The following BRAF variants were observed in gnomAD, a reference collection of about 807,000 sequenced individuals.
BRAF encodes the protein B-Raf proto-oncogene, serine/threonine kinase.
Under a neutral mutation model 104.6 loss-of-function variants are expected in BRAF, and 16 were observed. The ratio of observed to expected loss-of-function variants is 0.15; its 90% CI spans 0.10 to 0.23. The LOEUF (loss-of-function observed/expected upper bound fraction) is 0.23, where lower values mean the gene tolerates loss of function less well. Ranked by LOEUF, BRAF falls within the 10% of genes least tolerant of loss-of-function variation. BRAF has a pLI of 1.00. For missense variants in BRAF, 541 were observed against 937.3 expected (o/e 0.58, Z 5.52); for synonymous variants, 310 against 341.6 (o/e 0.91, Z 1.02).
At chr7:140,914,151 A>C (rs533087544) in intron 1 of BRAF, among the ~76,000 whole-genome samples, 1 of 152,354 alleles carries the variant, frequency 6.6e-6, no homozygotes, top group East Asian at 1.9e-4. Context: ...AAAAATCAAC[A>C]GAAAACACTA....
chr7:140,777,193 C>CA, intron 13 of BRAF, 105 bp from the exon 13 acceptor site: 1 of 976,758 alleles, frequency 1.0e-6, no homozygotes, highest in Non-Finnish European at 1.5e-6. Context: ...TCAGAAAAAG[C>CA]TTTTTTTTTT....
intron 1 of BRAF, among the ~76,000 whole-genome samples, chr7:140,896,759 G>A (rs1039924228): frequency 4.0e-5 from 6 of 150,982 alleles, no homozygotes; most frequent in South Asian, 2.1e-4. Flanking sequence ...CCAGCTACTC[G>A]GAAGGCTGAG....
At chr7:140,853,926 A>G (rs1809482404) in intron 1 of BRAF, among the ~76,000 whole-genome samples, 2 of 152,162 alleles carry the variant, frequency 1.3e-5, no homozygotes, top group Admixed American at 1.3e-4. Flanking sequence ...CAGAGCCTAG[A>G]ACAGTGCCTA....
intron 1 of BRAF, among the ~76,000 whole-genome samples, chr7:140,922,199 C>G (rs1818299905): frequency 6.6e-6 from 1 of 152,036 alleles, no homozygotes; most frequent in South Asian, 2.1e-4. Context: ...GTTTTTTAAC[C>G]AAGTAAAATG....
chr7:140,806,863 C>A (rs1354805967), intron 5 of BRAF, among the ~76,000 whole-genome samples: 3 of 151,898 alleles, frequency 2.0e-5, no homozygotes. Context: ...AAGCATAAAC[C>A]CCAAAGGAAA....
At chr7:140,762,683 T>C (rs1203714844) in intron 14 of BRAF, among the ~76,000 whole-genome samples, 4 of 145,504 alleles carry the variant, frequency 2.7e-5, no homozygotes, top group Non-Finnish European at 6.0e-5. Flanking sequence ...CATAGGACAA[T>C]AGTGGAGGGA....
chr7:140,729,370 C>T (rs1423991231), intron 19 of BRAF, among the ~76,000 whole-genome samples: 2 of 152,140 alleles, frequency 1.3e-5, no homozygotes, highest in African/African-American at 2.4e-5. Context: ...ACCAGGCCGG[C>T]GAGGTGGCTC....
chr7:140,877,322 G>A (rs374317502), intron 1 of BRAF, among the ~76,000 whole-genome samples: 6 of 146,678 alleles, frequency 4.1e-5, no homozygotes, highest in Middle Eastern at 3.5e-3. Context: ...TGCATGTTGC[G>A]CAATCTAGTT....
intron 1 of BRAF, among the ~76,000 whole-genome samples, chr7:140,889,504 AT>A (rs555000512): frequency 3.3e-5 from 5 of 152,004 alleles, no homozygotes; most frequent in Non-Finnish European, 5.9e-5. Context: ...ATGTGCTCAA[AT>A]TTTTTTTATG....
chr7:140,897,293 G>C (rs895708411), intron 1 of BRAF, among the ~76,000 whole-genome samples: 1 of 151,822 alleles, frequency 6.6e-6, no homozygotes, highest in African/African-American at 2.4e-5. Flanking sequence ...AGAAATGAGA[G>C]GTTGCTTTAC....
At chr7:140,883,558 T>G (rs996281744) in intron 1 of BRAF, among the ~76,000 whole-genome samples, 1 of 152,244 alleles carries the variant, frequency 6.6e-6, no homozygotes, top group Non-Finnish European at 1.5e-5. Flanking sequence ...ATAGAGCTAC[T>G]TATTTAAAAT....
At chr7:140,921,093 G>T (rs1818175590) in intron 1 of BRAF, among the ~76,000 whole-genome samples, 1 of 152,090 alleles carries the variant, frequency 6.6e-6, no homozygotes, top group Non-Finnish European at 1.5e-5. Context: ...CTTGAAAACA[G>T]AACATAATAA....
At chr7:140,789,470 C>T (rs1171852318) in intron 8 of BRAF, among the ~76,000 whole-genome samples, 2 of 152,020 alleles carry the variant, frequency 1.3e-5, no homozygotes, top group Non-Finnish European at 2.9e-5. Context: ...TTTAATGTAT[C>T]ATATAAAGTC....
At chr7:140,748,989 T>G in intron 17 of BRAF, 1 of 364,866 alleles carries the variant, frequency 2.7e-6, no homozygotes, top group Non-Finnish European at 5.2e-6. Context: ...GATGCTATAG[T>G]AGCAGAGCTC....
At chr7:140,917,666 A>G (rs1460996352) in intron 1 of BRAF, among the ~76,000 whole-genome samples, 1 of 152,182 alleles carries the variant, frequency 6.6e-6, no homozygotes, top group Non-Finnish European at 1.5e-5. Context: ...CCTCTAACCT[A>G]CATCTTACTT....
At chr7:140,895,778 T>C (rs1814814831) in intron 1 of BRAF, among the ~76,000 whole-genome samples, 1 of 152,236 alleles carries the variant, frequency 6.6e-6, no homozygotes, top group Non-Finnish European at 1.5e-5. Context: ...TACGGCTGAA[T>C]AGCATTCCAT....
intron 2 of BRAF, among the ~76,000 whole-genome samples, chr7:140,848,340 T>A (rs921871440): frequency 1.3e-5 from 2 of 152,212 alleles, no homozygotes; most frequent in Non-Finnish European, 2.9e-5. Context: ...CTCTGTTTTT[T>A]CACTTGTAAA....
chr7:140,726,046 C>G lies in BRAF; in HGVS notation c.*448G>C. The G allele has an allele frequency of 9.3e-7, 1 of 1,071,904 alleles. No homozygotes were observed. Among genetic ancestry groups the G allele is most frequent in the Non-Finnish European group, 1.1e-6 (1 of 883,936 alleles). The allele number at this position is 1,071,904 out of a possible 1,614,324, so 66.4% of individuals were successfully genotyped here. On this transcript the variant is annotated 3_prime_UTR_variant, in exon 20 of 20. Transcript: ENST00000644969. ...GGGGAAAGAGCTCCAAAACAAAATT[C>G]CAGAACAGGAAAGAGAACGATGCTT...
chr7:140,878,047 T>C (rs1812460182), intron 1 of BRAF, among the ~76,000 whole-genome samples: 1 of 151,980 alleles, frequency 6.6e-6, no homozygotes, highest in Non-Finnish European at 1.5e-5. Flanking sequence ...TTTACACTAA[T>C]ACAAAAGACT....
Sources: gnomAD v4.1 joint callset for allele counts (sites outside exome capture counted in the v4.1 genomes callset) on GRCh38, gnomAD v4.1.1 for gene constraint, MANE v1.5 for transcripts, NCBI Gene and HGNC (gene_info 2026-07-23, HGNC 2026-07-21) for gene names.